Variants in KNDC1 observed in about 807,000 individuals in gnomAD.
KNDC1 encodes kinase non-catalytic C-lobe domain containing 1, also known as kinase non-catalytic C-lobe domain-containing protein 1.
In KNDC1, 106 loss-of-function variants were observed where a neutral mutation model predicts 172.8. The observed-to-expected ratio is 0.61, with a 90% confidence interval of 0.52 to 0.72. KNDC1 has a LOEUF of 0.72. Among genes scored for constraint, KNDC1 ranks in the 30% least tolerant of loss-of-function variants. The pLI is 0.00. For missense variants in KNDC1, 2,325 were observed against 2,394.5 expected (o/e 0.97, Z 0.61); for synonymous variants, 1,083 against 1,062.2 (o/e 1.02, Z -0.38).
intron 3 of KNDC1, among the ~76,000 whole-genome samples, chr10:133,181,360 C>T (rs1271473763): frequency 6.6e-6 from 1 of 152,266 alleles, no homozygotes; most frequent in Non-Finnish European, 1.5e-5. Context: ...CCGGATGGCA[C>T]AGGAGACCCC....
intron 17 of KNDC1, chr10:133,202,521 G>GC (rs1446511986): frequency 7.9e-5 from 34 of 430,862 alleles, no homozygotes; most frequent in Admixed American, 5.1e-4. Flanking sequence ...ATTCTCGAGA[G>GC]CCCCGGGACT....
At position 133,198,701 on chromosome 10, in the gene KNDC1, G is replaced by A. The variant is rs776648748; in HGVS notation, c.2193G>A (p.Gly731=). The change falls in exon 14 of 30, where the codon GGG becomes GGA. Residue 731 remains glycine, a synonymous_variant. Transcript: ENST00000304613. The part of the protein sequence containing the change: ...AGSPSLKTPD[G]PVPGPGPQGA... ...CCCCCAGCCTGAAGACGCCTGACGG[G>A]CCGGTGCCTGGTCCGGGGCCACAGG... 1.9e-6 allele frequency: 3 copies of A among 1,578,706 alleles called. No individual in the cohort carries two copies. The highest frequency in any genetic ancestry group is 2.3e-5 in the East Asian group (1 of 43,380).
chr10:133,203,816 C>T (rs781321271), intron 17 of KNDC1, among the ~76,000 whole-genome samples: 7 of 152,208 alleles, frequency 4.6e-5, no homozygotes, highest in Non-Finnish European at 1.0e-4. Context: ...CAGTCAAGAC[C>T]GTCCTCCTCA....
Position 133,224,967 on chromosome 10 carries a change from TCAGGCC to T in KNDC1, c.*79_*84del. ...CGGGCTGGGAGGTGGGAGCCGCGTC[TCAGGCC>T]CGGCCGTTATCAAGGCCCCTCCGCC... is the stretch of plus-strand genomic sequence containing the variant. On this transcript the variant is annotated 3_prime_UTR_variant, in exon 30 of 30. Coordinates refer to ENST00000304613, the MANE Select transcript of KNDC1 (RefSeq NM_152643.8). The surrounding 1 kb of genome is among the most constrained non-coding windows in gnomAD (Gnocchi z 5.4). 1 of 1,212,276 alleles carries T rather than the reference TCAGGCC, an allele frequency of 8.2e-7. No homozygotes were observed. The highest frequency in any genetic ancestry group is 1.2e-6 in the Non-Finnish European group (1 of 838,788). The allele number at this position is 1,212,276 out of a possible 1,614,324, so 75.1% of individuals were successfully genotyped here. A position where few individuals can be genotyped will look rare whatever the true frequency, so the allele number is the denominator to read the frequency against.
chr10:133,180,459 C>G (rs1028638585), intron 3 of KNDC1, among the ~76,000 whole-genome samples: 1 of 152,256 alleles, frequency 6.6e-6, no homozygotes, highest in Admixed American at 6.5e-5. Context: ...CCTTATGGTG[C>G]CAGCCGGAGG....
At chr10:133,215,015 G>A (rs1194831354) in intron 26 of KNDC1, among the ~76,000 whole-genome samples, 2 of 152,220 alleles carry the variant, frequency 1.3e-5, no homozygotes, top group Non-Finnish European at 2.9e-5. Context: ...TATTACAGAG[G>A]ACTGTGATCT....
Position 133,199,606 on chromosome 10 carries a change from G to A in KNDC1, c.2903+4G>A, listed in dbSNP as rs775966892. ...GGCAGGCGTCACCCTCCCCAAGGTG[G>A]GTGCCCAGTTCGGCCCTGCATTCCC... On this transcript the variant is annotated splice_donor_region_variant and intron_variant, in intron 15 of 29. Coordinates refer to ENST00000304613, the MANE Select transcript of KNDC1 (RefSeq NM_152643.8). The A allele has an allele frequency of 4.8e-5, 77 of 1,612,702 alleles. No individual in the cohort carries two copies. Among genetic ancestry groups the A allele is most frequent in the Non-Finnish European group, 6.3e-5 (74 of 1,179,756 alleles).
intron 9 of KNDC1, among the ~76,000 whole-genome samples, chr10:133,195,260 CGGCACCAGTCGGGGGGCTTCCGGGAGCA>C (rs1013413271): frequency 5.3e-5 from 8 of 152,294 alleles, no homozygotes; most frequent in Admixed American, 6.5e-5. Context: ...TGTAGCAGCA[CGGCACCAGTCGGGGGGCTTCCGGGAGCA>C]GGCACCAGTC....
At chr10:133,162,325 G>A (rs1454574254) in intron 1 of KNDC1, among the ~76,000 whole-genome samples, 1 of 151,876 alleles carries the variant, frequency 6.6e-6, no homozygotes, top group South Asian at 2.1e-4. Flanking sequence ...TGGGAAAACC[G>A]TCCTGGGTGA....
chr10:133,199,353 C>T (rs1256481102), intron 14 of KNDC1, 87 bp downstream of exon 14: 13 of 1,561,326 alleles, frequency 8.3e-6, no homozygotes, highest in African/African-American at 1.3e-5. Flanking sequence ...GCCCTTCCCC[C>T]AGCCCCCCAG....
At chr10:133,187,321 G>C (rs1227179135) in intron 6 of KNDC1, among the ~76,000 whole-genome samples, 1 of 152,246 alleles carries the variant, frequency 6.6e-6, no homozygotes, top group Non-Finnish European at 1.5e-5. Context: ...GGGGGGCCTG[G>C]TCCGTCGGCC....
In KNDC1 at chr10:133,163,876, C is replaced by T. The variant is rs577550429; in HGVS notation, c.102+3307C>T. Among the ~76,000 whole-genome samples, 2 of 148,602 alleles carry T rather than the reference C, an allele frequency of 1.3e-5. No homozygotes were observed. Among genetic ancestry groups the T allele is most frequent in the East Asian group, 3.9e-4 (2 of 5,152 alleles). Reference sequence around the variant, plus strand: ...CCCAGTCCCGGGGGTTCATGTCCACCTGCCTTCCCAAATCCCTCCTCCCAC... The same window carrying T: ...CCCAGTCCCGGGGGTTCATGTCCACTTGCCTTCCCAAATCCCTCCTCCCAC... On this transcript the variant is annotated intron_variant, in intron 1 of 29. Coordinates refer to ENST00000304613, the MANE Select transcript of KNDC1 (RefSeq NM_152643.8). This position sits in a 1 kb window ranked among gnomAD's most constrained non-coding sequence, Gnocchi z 4.4.
intron 3 of KNDC1, among the ~76,000 whole-genome samples, chr10:133,177,696 TGTG>T (rs1853587102): frequency 6.6e-6 from 1 of 151,404 alleles, no homozygotes; most frequent in African/African-American, 2.5e-5. Context: ...ATGTGTGTAA[TGTG>T]TGTGTCCATG....
chr10:133,186,706 G>T lies in KNDC1; in HGVS notation c.1326+32G>T, dbSNP rs778768611. 7 of 1,507,754 alleles carry T rather than the reference G, an allele frequency of 4.6e-6. No individual in the cohort carries two copies. The East Asian group carries it at 1.6e-4, about 34-fold the overall frequency. 93.4% of individuals were successfully genotyped at this position (1,507,754 alleles called of 1,614,324 possible). On this transcript the variant is annotated intron_variant, in intron 6 of 29. Transcript: ENST00000304613. The stretch of plus-strand genomic sequence containing the variant: ...GCCTGGGTCTTGTGTGTGGGTGGAG[G>T]GGTCGGCGGTCAGTGAGTCCGGGGC...
intron 20 of KNDC1, among the ~76,000 whole-genome samples, chr10:133,207,813 G>A (rs1338683475): frequency 1.3e-5 from 2 of 152,176 alleles, no homozygotes; most frequent in African/African-American, 2.4e-5. Flanking sequence ...ATCCGTAAAC[G>A]CTGGTGTGCG....
At chr10:133,160,867 G>T (rs914669926) in intron 1 of KNDC1, among the ~76,000 whole-genome samples, 2 of 152,072 alleles carry the variant, frequency 1.3e-5, no homozygotes, top group African/African-American at 4.8e-5. Context: ...GACGGAGGGG[G>T]GTCTGCTTAC....
In KNDC1 at chr10:133,217,835, G is replaced by C. The variant is rs144430263; in HGVS notation, c.4678-996G>C. Among the ~76,000 whole-genome samples the C allele has an allele frequency of 1.9e-4, 29 of 152,112 alleles. No homozygotes were observed. The East Asian group carries it at 5.4e-3, about 29-fold the overall frequency. ...ATCACATCTGTAATCCCAGCACTTT[G>C]GGAGTCCAAGGCGGGCAGATCACGA... On this transcript the variant is annotated intron_variant, in intron 26 of 29. Transcript: ENST00000304613.
chr10:133,197,130 T>C lies in KNDC1; in HGVS notation c.1807T>C (p.Cys603Arg). The C allele has an allele frequency of 6.2e-7, 1 of 1,612,710 alleles. No individual in the cohort carries two copies. Among genetic ancestry groups the C allele is most frequent in the Non-Finnish European group, 8.5e-7 (1 of 1,179,546 alleles). Reference protein sequence around the residue: ...KILAHLRASICQVYQEEETIS... With the variant: ...KILAHLRASIRQVYQEEETIS... ...CCTTGCCCACCTCAGAGCTTCCATC[T>C]GCCAGGTGGGCTAGAACAGCCAGGC... Residue 603 changes from cysteine to arginine, a missense_variant, in exon 11 of 30, where the codon TGC becomes CGC. Physicochemically the swap from Cys to Arg is radical, Grantham distance 180. Transcript: ENST00000304613.
Position 133,224,687 on chromosome 10 carries a change from C to A in KNDC1, c.5047C>A (p.His1683Asn), listed in dbSNP as rs1281881933. 3 of 1,614,042 alleles carry A rather than the reference C, an allele frequency of 1.9e-6. No homozygotes were observed. The highest frequency in any genetic ancestry group is 2.5e-6 in the Non-Finnish European group (3 of 1,179,972). Residue 1683 changes from histidine (H) to asparagine (N), a missense_variant, in exon 30 of 30, where the codon CAC (histidine) becomes AAC (asparagine). His to Asn is a moderately conservative substitution (Grantham distance 68). Coordinates refer to ENST00000304613, the MANE Select transcript of KNDC1 (RefSeq NM_152643.8). The surrounding 1 kb of genome is among the most constrained non-coding windows in gnomAD (Gnocchi z 5.4). ...RNIAKVVSQV[H>N]AFQENPYTFS... ...CATCGCAAAGGTGGTGAGCCAGGTG[C>A]ACGCGTTCCAGGAGAACCCTTACAC...
Sources: allele counts gnomAD v4.1 joint callset (sites outside exome capture counted in the v4.1 genomes callset), GRCh38; gene constraint gnomAD v4.1.1; non-coding constraint Gnocchi (gnomAD v3.1); transcripts MANE v1.5; gene names NCBI Gene and HGNC (gene_info 2026-07-23, HGNC 2026-07-21).